DSCAM: variants seen among roughly 807,000 people sequenced by gnomAD.
DSCAM encodes DS cell adhesion molecule.
Under a neutral mutation model 217.7 loss-of-function variants are expected in DSCAM, and 47 were observed. The observed-to-expected ratio is 0.22, with a 90% CI of 0.17 to 0.28. DSCAM has a LOEUF of 0.28. Ranked by LOEUF, DSCAM falls within the 10% of genes least tolerant of loss-of-function variation. DSCAM has a pLI of 1.00. For synonymous variants in DSCAM, 1,056 were observed against 1,015.3 expected (o/e 1.04, Z -0.76); for missense variants, 2,080 against 2,618.3 (o/e 0.79, Z 4.49).
At chr21:40,682,963 C>G (rs370970997) in intron 3 of DSCAM, among the ~76,000 whole-genome samples, 6 of 141,638 alleles carry the variant, frequency 4.2e-5, no homozygotes, top group African/African-American at 7.8e-5. Flanking sequence ...ATAAGGGTGG[C>G]CCCTAATCGG....
chr21:40,235,416 A>G (rs569018647), intron 11 of DSCAM, among the ~76,000 whole-genome samples: 2 of 152,298 alleles, frequency 1.3e-5, no homozygotes, highest in South Asian at 2.1e-4. Context: ...GTTTAATTTG[A>G]AGAATGTTAC....
intron 11 of DSCAM, among the ~76,000 whole-genome samples, chr21:40,244,965 C>T (rs1465825417): frequency 3.4e-5 from 5 of 146,736 alleles, no homozygotes; most frequent in Admixed American, 6.7e-5. Context: ...GAGAGCTGAG[C>T]GAGGCACTGG....
intron 3 of DSCAM, among the ~76,000 whole-genome samples, chr21:40,451,711 G>A (rs1212071011): frequency 1.3e-5 from 2 of 152,136 alleles, no homozygotes; most frequent in Non-Finnish European, 1.5e-5. Flanking sequence ...AAATCACTAG[G>A]GTTCGAATTT....
At chr21:40,421,693 CA>C in intron 3 of DSCAM, among the ~76,000 whole-genome samples, 1 of 152,344 alleles carries the variant, frequency 6.6e-6, no homozygotes, top group East Asian at 1.9e-4. Context: ...ACAGTATTAT[CA>C]ATCACCATTT....
chr21:40,279,479 A>G (rs531523072), intron 10 of DSCAM, among the ~76,000 whole-genome samples: 11 of 152,330 alleles, frequency 7.2e-5, no homozygotes, highest in Non-Finnish European at 1.0e-4. Context: ...GAAACAACAG[A>G]TGCTGGAGAG....
intron 8 of DSCAM, among the ~76,000 whole-genome samples, chr21:40,324,081 CA>C (rs2074289314): frequency 1.2e-5 from 1 of 82,666 alleles, no homozygotes; most frequent in African/African-American, 4.5e-5. Flanking sequence ...CCAGCCTGGG[CA>C]ACAAGAGTGA....
Position 40,369,095 on chromosome 21 carries a change from T to C in DSCAM, c.655+4A>G. On this transcript the variant is annotated splice_donor_region_variant and intron_variant, in intron 4 of 32. Transcript: ENST00000400454. ...TAGCAGACAGAGTCTTGATAAGTTT[T>C]TACCTGATACAAAAAGTCTGGCGCT... is the stretch of plus-strand genomic sequence containing the variant. The C allele has an allele frequency of 6.2e-7, 1 of 1,606,164 alleles. No individual in the cohort carries two copies. The highest frequency in any genetic ancestry group is 1.7e-5 in the Admixed American group (1 of 58,790).
intron 3 of DSCAM, among the ~76,000 whole-genome samples, chr21:40,461,836 G>A (rs916252257): frequency 2.0e-5 from 3 of 152,230 alleles, no homozygotes; most frequent in Non-Finnish European, 4.4e-5. Flanking sequence ...TGGATTGTGA[G>A]TCAAGAGCTG....
intron 4 of DSCAM, among the ~76,000 whole-genome samples, chr21:40,358,844 G>A (rs1354926300): frequency 6.7e-6 from 1 of 148,890 alleles, no homozygotes; most frequent in Non-Finnish European, 1.5e-5. Flanking sequence ...ATTTTCAAAG[G>A]CACCATTTAG....
intron 5 of DSCAM, among the ~76,000 whole-genome samples, chr21:40,353,120 T>G (rs1569079953): frequency 6.6e-6 from 1 of 152,224 alleles, no homozygotes; most frequent in Non-Finnish European, 1.5e-5. Context: ...CTCTCTCTGT[T>G]CATTTTTAGA....
At chr21:40,554,157 G>A (rs574660187) in intron 3 of DSCAM, among the ~76,000 whole-genome samples, 17 of 151,392 alleles carry the variant, frequency 1.1e-4, no homozygotes, top group Admixed American at 3.3e-4. Flanking sequence ...GGGACTACAG[G>A]CATGCATCAC....
chr21:40,842,660 G>C (rs1267897193), intron 1 of DSCAM, among the ~76,000 whole-genome samples: 1 of 152,130 alleles, frequency 6.6e-6, no homozygotes, highest in Non-Finnish European at 1.5e-5. Flanking sequence ...CCTTACTCCA[G>C]ACACATCTAA....
intron 8 of DSCAM, among the ~76,000 whole-genome samples, chr21:40,317,696 AT>A (rs766872934): frequency 1.3e-5 from 2 of 151,718 alleles, no homozygotes; most frequent in South Asian, 2.1e-4. Context: ...GGCTTGGCTA[AT>A]TTTTTTTGTA....
At chr21:40,031,786 T>G (rs1468123733) in intron 32 of DSCAM, among the ~76,000 whole-genome samples, 1 of 152,198 alleles carries the variant, frequency 6.6e-6, no homozygotes, top group Non-Finnish European at 1.5e-5. Context: ...CACCAGGGCC[T>G]AAGGCATCCT....
intron 4 of DSCAM, among the ~76,000 whole-genome samples, chr21:40,358,168 TA>T (rs1023404775): frequency 2.0e-5 from 3 of 152,158 alleles, no homozygotes; most frequent in African/African-American, 7.2e-5. Context: ...ATGCTATTCA[TA>T]AAAAATCAAC....
chr21:40,583,834 G>C (rs1347652962), intron 3 of DSCAM, among the ~76,000 whole-genome samples: 1 of 150,232 alleles, frequency 6.7e-6, no homozygotes, highest in Non-Finnish European at 1.5e-5. Context: ...GATCAGGGGT[G>C]TACAGGAAAC....
chr21:40,399,652 T>C (rs1484258500), intron 3 of DSCAM, among the ~76,000 whole-genome samples: 1 of 152,234 alleles, frequency 6.6e-6, no homozygotes, highest in Non-Finnish European at 1.5e-5. Context: ...TTAATTTAGT[T>C]ACTGCCTAGC....
chr21:40,510,487 G>A (rs1368550509), intron 3 of DSCAM, among the ~76,000 whole-genome samples: 2 of 152,110 alleles, frequency 1.3e-5, no homozygotes, highest in Non-Finnish European at 1.5e-5. Flanking sequence ...ACATTTGTTC[G>A]AAATCAAACG....
intron 18 of DSCAM, among the ~76,000 whole-genome samples, chr21:40,135,268 C>A (rs1484844099): frequency 1.3e-5 from 2 of 152,248 alleles, no homozygotes; most frequent in African/African-American, 4.8e-5. Flanking sequence ...CGTCAACTGA[C>A]AATCCAGCTG....
Sources: allele counts gnomAD v4.1 joint callset (sites outside exome capture counted in the v4.1 genomes callset), GRCh38; gene constraint gnomAD v4.1.1; transcripts MANE v1.5; gene names NCBI Gene and HGNC (gene_info 2026-07-23, HGNC 2026-07-21).